Variants in CTNNA2 observed in about 807,000 individuals in gnomAD.
The protein encoded by CTNNA2 is catenin alpha-2.
A neutral mutation model predicts 101.0 loss-of-function variants in CTNNA2; 42 were observed. The observed-to-expected ratio is 0.42, with a 90% CI of 0.32 to 0.54. The LOEUF is 0.54. Among genes scored for constraint, CTNNA2 ranks in the 20% least tolerant of loss-of-function variants. CTNNA2 has a pLI of 0.14. For missense variants in CTNNA2, 871 were observed against 1,223.1 expected, an observed-to-expected ratio of 0.71 and a Z score of 4.29; for synonymous variants, 450 against 456.4, an observed-to-expected ratio of 0.99 and a Z score of 0.18.
intron 2 of CTNNA2, among the ~76,000 whole-genome samples, chr2:79,296,217 A>G (rs1675976937): frequency 1.3e-5 from 2 of 152,162 alleles, no homozygotes; most frequent in Non-Finnish European, 2.9e-5. Context: ...TTCCCACAGC[A>G]GATAAGGAAT....
At chr2:80,073,435 G>T (rs1381748549) in intron 7 of CTNNA2, among the ~76,000 whole-genome samples, 2 of 152,146 alleles carry the variant, frequency 1.3e-5, no homozygotes, top group Non-Finnish European at 2.9e-5. Flanking sequence ...CTGTGTCTGA[G>T]TGCTCAGAAG....
In CTNNA2 at chr2:79,524,413, T is replaced by A. The variant is rs547932372; in HGVS notation, c.-6+11206T>A. On this transcript the variant is annotated intron_variant, in intron 1 of 18. Coordinates refer to ENST00000402739, the MANE Select transcript of CTNNA2 (RefSeq NM_001282597.3). Reference sequence around the variant, plus strand: ...ATTCTTTTTGATTTTTATATTTGGTTTTGTCTCCTGTCACTTTGTTGAAAT... The same window carrying A: ...ATTCTTTTTGATTTTTATATTTGGTATTGTCTCCTGTCACTTTGTTGAAAT... Among the ~76,000 whole-genome samples, 18 of 151,998 alleles carry A rather than the reference T, an allele frequency of 1.2e-4. No individual in the cohort carries two copies. In the South Asian group the frequency reaches 1.5e-3, roughly 12 times the overall value.
intron 7 of CTNNA2, among the ~76,000 whole-genome samples, chr2:80,306,394 C>A (rs986177107): frequency 1.1e-4 from 14 of 129,500 alleles, no homozygotes; most frequent in South Asian, 7.4e-4. Context: ...CTTTTCTTTT[C>A]TTTTCTTTTC....
intron 7 of CTNNA2, among the ~76,000 whole-genome samples, chr2:80,291,614 A>G (rs1209498084): frequency 6.6e-6 from 1 of 152,230 alleles, no homozygotes; most frequent in East Asian, 1.9e-4. Flanking sequence ...TTAGTGTCCC[A>G]GGGGCCAGTA....
intron 1 of CTNNA2, among the ~76,000 whole-genome samples, chr2:79,635,713 A>C (rs920042156): frequency 2.6e-5 from 4 of 151,014 alleles, no homozygotes; most frequent in African/African-American, 9.7e-5. Flanking sequence ...CATGTTGGCC[A>C]AACTGGTCTC....
At chr2:80,557,435 C>T (rs1020618922) in intron 12 of CTNNA2, among the ~76,000 whole-genome samples, 1 of 152,142 alleles carries the variant, frequency 6.6e-6, no homozygotes, top group Non-Finnish European at 1.5e-5. Flanking sequence ...GCTTACAGTT[C>T]CCAGCCCATC....
At chr2:79,210,638 G>A (rs867873271) in intron 2 of CTNNA2, among the ~76,000 whole-genome samples, 14 of 152,122 alleles carry the variant, frequency 9.2e-5, no homozygotes, top group Admixed American at 4.6e-4. Flanking sequence ...GTGACAGTAG[G>A]GGAAGGTCTT....
intron 17 of CTNNA2, among the ~76,000 whole-genome samples, chr2:80,618,200 G>C (rs1699011152): frequency 6.6e-6 from 1 of 151,770 alleles, no homozygotes; most frequent in African/African-American, 2.4e-5. Context: ...GCTATGACTA[G>C]AGCAGAAATC....
intron 2 of CTNNA2, among the ~76,000 whole-genome samples, chr2:79,227,847 G>C (rs562274733): frequency 3.2e-4 from 49 of 152,196 alleles, no homozygotes; most frequent in Admixed American, 7.8e-4. Context: ...GGGTCCCAAA[G>C]ATCTTACCAC....
chr2:79,430,423 C>G (rs1678647482), intron 4 of CTNNA2, among the ~76,000 whole-genome samples: 1 of 152,008 alleles, frequency 6.6e-6, no homozygotes. Flanking sequence ...TTATAAATAC[C>G]TAGAAGCGCT....
intron 2 of CTNNA2, among the ~76,000 whole-genome samples, chr2:79,724,983 T>C (rs1165058063): frequency 6.6e-6 from 1 of 152,148 alleles, no homozygotes; most frequent in African/African-American, 2.4e-5. Context: ...ACTTGTAGCA[T>C]GTCACAGCAA....
At chr2:80,378,217 G>T (rs1432155123) in intron 7 of CTNNA2, among the ~76,000 whole-genome samples, 4 of 151,980 alleles carry the variant, frequency 2.6e-5, no homozygotes, top group Non-Finnish European at 5.9e-5. Flanking sequence ...AATTAGCCGG[G>T]CATGGTGGCG....
At chr2:79,538,703 T>A (rs1673222168) in intron 1 of CTNNA2, among the ~76,000 whole-genome samples, 1 of 152,168 alleles carries the variant, frequency 6.6e-6, no homozygotes, top group Non-Finnish European at 1.5e-5. Context: ...ATATTTAAAT[T>A]ACATGGGGTC....
chr2:79,728,678 A>G (rs1687012956), intron 2 of CTNNA2, among the ~76,000 whole-genome samples: 2 of 152,126 alleles, frequency 1.3e-5, no homozygotes, highest in Non-Finnish European at 2.9e-5. Context: ...GGTAATGCCT[A>G]GGTTTTCTTA....
intron 7 of CTNNA2, among the ~76,000 whole-genome samples, chr2:80,367,631 T>C (rs1442170139): frequency 6.6e-6 from 1 of 152,144 alleles, no homozygotes; most frequent in Non-Finnish European, 1.5e-5. Context: ...AGCTTTATGC[T>C]TGGTAAAAAC....
At chr2:79,552,710 C>A (rs918355778) in intron 1 of CTNNA2, among the ~76,000 whole-genome samples, 4 of 147,508 alleles carry the variant, frequency 2.7e-5, no homozygotes, top group East Asian at 5.6e-4. Flanking sequence ...GCCACCAAAG[C>A]TTTTGGCTTG....
chr2:79,909,935 G>T, intron 7 of CTNNA2, 138 bp downstream of exon 7: 1 of 844,378 alleles, frequency 1.2e-6, no homozygotes, highest in Non-Finnish European at 1.8e-6. Flanking sequence ...CCAAAGAACT[G>T]CTTTGGGAGA....
chr2:80,299,088 A>G (rs1445563212), intron 7 of CTNNA2: 8 of 152,174 alleles, frequency 5.3e-5, no homozygotes, highest in African/African-American at 1.7e-4. Context: ...TGGAGGGTCA[A>G]TCCATCACAA....
At position 80,448,518 on chromosome 2, in the gene CTNNA2, C is replaced by A. The variant is rs545991405; in HGVS notation, c.1290+28917C>A. Among the ~76,000 whole-genome samples the A allele has an allele frequency of 2.0e-5, 3 of 152,254 alleles. No homozygotes were observed. The East Asian group carries it at 5.8e-4, about 29-fold the overall frequency. On this transcript the variant is annotated intron_variant, in intron 9 of 18. Transcript: ENST00000402739. ...ATTACCTGAGGAACTTCAAAAACTC[C>A]AAGCCTGGGTCTCACCCCTAGAGAT...
Sources: gnomAD v4.1 joint callset for allele counts (sites outside exome capture counted in the v4.1 genomes callset) on GRCh38, gnomAD v4.1.1 for gene constraint, MANE v1.5 for transcripts, NCBI Gene and HGNC (gene_info 2026-07-23, HGNC 2026-07-21) for gene names.